The following CEP63 variants were observed in gnomAD, a reference collection of about 807,000 sequenced individuals.
CEP63 encodes the protein centrosomal protein 63, also known as centrosomal protein of 63 kDa.
Under a neutral mutation model 89.1 loss-of-function variants are expected in CEP63, and 84 were observed. The observed-to-expected ratio is 0.94, with a 90% confidence interval of 0.79 to 1.13. The LOEUF is 1.13. CEP63 is among the 50% of genes most tolerant of loss of function. The probability of loss-of-function intolerance (pLI) is 0.00; values close to 1 mark genes in which losing one functional copy is unlikely to be tolerated. For synonymous variants in CEP63, 267 were observed against 272.5 expected (o/e 0.98, Z 0.20); for missense variants, 838 against 813.3 (o/e 1.03, Z -0.37).
chr3:134,531,969 G>A lies in CEP63; in HGVS notation c.318+29G>A, dbSNP rs116908102. ...AGATTTTAGTTTTGTTAAATGTTGT[G>A]TGTGTAGTTCTCTCTCTTTCACCCT... On this transcript the variant is annotated intron_variant, in intron 4 of 14. Transcript: ENST00000675561. 1.4e-3 allele frequency: 2,102 copies of A among 1,484,654 alleles called. 19 individuals carry two copies. The East Asian group carries it at 0.018, about 13-fold the overall frequency. The allele number at this position is 1,484,654 out of a possible 1,614,324, so 92.0% of individuals were successfully genotyped here. A position where few individuals can be genotyped will look rare whatever the true frequency, so the allele number is the denominator to read the frequency against.
Position 134,547,427 on chromosome 3 carries a change from C to A in CEP63, c.1022C>A (p.Thr341Asn). ...SVLSQLNFTH[T>N]SEDLLQAEVT... ...CTCTCCCAGTTGAATTTTACCCATA[C>A]TAGTGAGGACCTTCTGCAGGCAGAG... The change falls in exon 9 of 15, where the codon ACT becomes AAT. Residue 341 changes from threonine (T) to asparagine (N), a missense_variant. Physicochemically the swap from Thr to Asn is moderately conservative, Grantham distance 65. Transcript: ENST00000675561. The A allele has an allele frequency of 6.2e-7, 1 of 1,613,770 alleles. No homozygotes were observed. The highest frequency in any genetic ancestry group is 8.5e-7 in the Non-Finnish European group (1 of 1,179,732).
the CEP63 span, among the ~76,000 whole-genome samples, chr3:134,713,651 G>A: frequency 1.8e-4 from 28 of 152,092 alleles, no homozygotes; most frequent in Non-Finnish European, 3.5e-4. Context: ...CTGGGTGCAG[G>A]CTTGGTCTGG....
intron 2 of CEP63, among the ~76,000 whole-genome samples, chr3:134,499,390 A>G (rs1284037727): frequency 6.6e-6 from 1 of 151,572 alleles, no homozygotes; most frequent in Non-Finnish European, 1.5e-5. Context: ...GATTTTATTT[A>G]TTTGGGTCTT....
At chr3:134,547,555 T>A in intron 9 of CEP63, 83 bp downstream of exon 9, 1 of 1,151,330 alleles carries the variant, frequency 8.7e-7, no homozygotes, top group Non-Finnish European at 1.3e-6. Flanking sequence ...AATGTAATAG[T>A]CATAGTAAAA....
At chr3:134,487,672 C>T (rs1445708896) in intron 1 of CEP63, among the ~76,000 whole-genome samples, 1 of 152,170 alleles carries the variant, frequency 6.6e-6, no homozygotes, top group African/African-American at 2.4e-5. Context: ...GCCTCCCCGC[C>T]CCCATCAGGA....
downstream of CEP63, among the ~76,000 whole-genome samples, chr3:134,565,612 G>A (rs1234319914): frequency 2.0e-5 from 3 of 152,036 alleles, no homozygotes; most frequent in African/African-American, 7.2e-5. Flanking sequence ...GTAACAAACA[G>A]AATCGGGGCA....
At chr3:134,773,259 G>A in the CEP63 span, among the ~76,000 whole-genome samples, 1 of 152,122 alleles carries the variant, frequency 6.6e-6, no homozygotes, top group African/African-American at 2.4e-5. Context: ...CAAAAAGATG[G>A]GAGGCTTACC....
chr3:134,534,197 T>A (rs969419135), intron 5 of CEP63, among the ~76,000 whole-genome samples: 4 of 152,184 alleles, frequency 2.6e-5, no homozygotes, highest in African/African-American at 9.6e-5. Context: ...ATTACTCTTA[T>A]CATAACTTTG....
At chr3:134,576,716 A>G (rs1436440731), downstream of CEP63, among the ~76,000 whole-genome samples, 1 of 152,198 alleles carries the variant, frequency 6.6e-6, no homozygotes, top group Non-Finnish European at 1.5e-5. Context: ...GGAACTCCGT[A>G]TGTAACTTCA....
At chr3:134,738,266 ACACAC>A in the CEP63 span, among the ~76,000 whole-genome samples, 7 of 151,426 alleles carry the variant, frequency 4.6e-5, no homozygotes, top group African/African-American at 1.7e-4. Context: ...ACACACACAC[ACACAC>A]ACACACACAC....
the CEP63 span, among the ~76,000 whole-genome samples, chr3:134,599,982 G>A: frequency 6.6e-6 from 1 of 152,122 alleles, no homozygotes; most frequent in Non-Finnish European, 1.5e-5. Flanking sequence ...CATGGAGAAA[G>A]CATACTCAAC....
chr3:134,670,106 T>C, the CEP63 span, among the ~76,000 whole-genome samples: 1 of 152,186 alleles, frequency 6.6e-6, no homozygotes, highest in Non-Finnish European at 1.5e-5. Context: ...TCTCAGACTT[T>C]CAGCCTCTAG....
chr3:134,567,116 C>T (rs1957800320), downstream of CEP63, among the ~76,000 whole-genome samples: 1 of 150,330 alleles, frequency 6.7e-6, no homozygotes, highest in South Asian at 2.1e-4. Flanking sequence ...ACTACTGATG[C>T]CACAGCATGG....
the CEP63 span, among the ~76,000 whole-genome samples, chr3:134,703,108 A>T: frequency 6.6e-6 from 1 of 152,072 alleles, no homozygotes; most frequent in African/African-American, 2.4e-5. Flanking sequence ...ATCCTGGCTA[A>T]CACAGTGAAA....
the CEP63 span, among the ~76,000 whole-genome samples, chr3:134,639,127 T>C: frequency 1.4e-5 from 2 of 147,784 alleles, no homozygotes; most frequent in Middle Eastern, 7.3e-3. Flanking sequence ...AAAGCATTGG[T>C]AGTTTAAAAA....
chr3:134,501,062 C>A (rs1941849809), intron 2 of CEP63, among the ~76,000 whole-genome samples: 1 of 152,226 alleles, frequency 6.6e-6, no homozygotes, highest in Non-Finnish European at 1.5e-5. Flanking sequence ...ATACAAGTAG[C>A]CAGTTTTCCC....
the CEP63 span, among the ~76,000 whole-genome samples, chr3:134,768,948 A>G: frequency 6.6e-6 from 1 of 152,158 alleles, no homozygotes; most frequent in African/African-American, 2.4e-5. Flanking sequence ...CTCTGGGATC[A>G]GAGAGAAGTT....
the CEP63 span, among the ~76,000 whole-genome samples, chr3:134,721,254 TA>T: frequency 0.11 from 16,363 of 152,000 alleles, 1,976 homozygotes; most frequent in African/African-American, 0.3. Flanking sequence ...ACAGCTTTTT[TA>T]AAAAAAATTC....
At chr3:134,646,581 A>C in the CEP63 span, among the ~76,000 whole-genome samples, 2 of 152,092 alleles carry the variant, frequency 1.3e-5, no homozygotes, top group Non-Finnish European at 2.9e-5. Flanking sequence ...CACTTTTAGA[A>C]CTTCATCTTT....
Sources: gnomAD v4.1 joint callset for allele counts (sites outside exome capture counted in the v4.1 genomes callset) on GRCh38, gnomAD v4.1.1 for gene constraint, MANE v1.5 for transcripts, NCBI Gene and HGNC (gene_info 2026-07-23, HGNC 2026-07-21) for gene names.